The following AUTS2 variants were observed in gnomAD, a reference collection of about 807,000 sequenced individuals.
The protein encoded by AUTS2 is autism susceptibility gene 2 protein.
AUTS2 carries 17 observed loss-of-function variants against 112.4 expected under a neutral mutation model. The ratio of observed to expected loss-of-function variants is 0.15; its 90% confidence interval spans 0.10 to 0.23. The LOEUF is 0.23. Among genes scored for constraint, AUTS2 ranks in the 10% least tolerant of loss-of-function variants. The pLI, the probability that AUTS2 is intolerant of heterozygous loss-of-function variation, is 1.00. For synonymous variants in AUTS2, 751 were observed against 702.7 expected (o/e 1.07, Z -1.09); for missense variants, 1,510 against 1,701.6 (o/e 0.89, Z 1.98).
At chr7:70,681,562 G>A (rs192042739) in intron 5 of AUTS2, among the ~76,000 whole-genome samples, 1 of 151,346 alleles carries the variant, frequency 6.6e-6, no homozygotes, top group Non-Finnish European at 1.5e-5. Flanking sequence ...AGAGTAACTT[G>A]TTCCCCCAAG....
chr7:70,524,325 T>C lies in AUTS2; in HGVS notation c.690+88544T>C, dbSNP rs568901923. Reference sequence around the variant, plus strand: ...CCCACTTACAATGGTCATTATTCCATGTGAAGACTGTTTCCACCATATAGT... The same window carrying C: ...CCCACTTACAATGGTCATTATTCCACGTGAAGACTGTTTCCACCATATAGT... On this transcript the variant is annotated intron_variant, in intron 5 of 18. Coordinates refer to ENST00000342771, the MANE Select transcript of AUTS2 (RefSeq NM_015570.4). Among the ~76,000 whole-genome samples the C allele has an allele frequency of 5.3e-5, 8 of 152,344 alleles. No individual in the cohort carries two copies. In the South Asian group the frequency reaches 6.2e-4, roughly 12 times the overall value.
intron 5 of AUTS2, among the ~76,000 whole-genome samples, chr7:70,577,396 T>G (rs1442543029): frequency 6.6e-6 from 1 of 152,226 alleles, no homozygotes; most frequent in African/African-American, 2.4e-5. Context: ...CCAATAATTT[T>G]AAAAATCCTC....
chr7:70,567,577 GA>G, intron 5 of AUTS2, among the ~76,000 whole-genome samples: 1 of 152,188 alleles, frequency 6.6e-6, no homozygotes, highest in East Asian at 1.9e-4. Context: ...GATAGTGACA[GA>G]AAACCAGTGT....
chr7:70,274,928 A>G (rs1787859704), intron 4 of AUTS2, among the ~76,000 whole-genome samples: 3 of 152,362 alleles, frequency 2.0e-5, no homozygotes, highest in East Asian at 1.9e-4. Flanking sequence ...ACTTGGACAG[A>G]TACTTATATT....
intron 5 of AUTS2, among the ~76,000 whole-genome samples, chr7:70,556,049 G>A (rs1398906322): frequency 2.0e-5 from 3 of 152,040 alleles, no homozygotes; most frequent in African/African-American, 7.2e-5. Flanking sequence ...CTTGTAATCC[G>A]CCTGCCTTGG....
chr7:69,929,133 C>T (rs796335386), intron 2 of AUTS2, among the ~76,000 whole-genome samples: 5 of 152,156 alleles, frequency 3.3e-5, no homozygotes, highest in African/African-American at 1.2e-4. Flanking sequence ...AAATTTTTTT[C>T]TGGGAATATA....
intron 4 of AUTS2, among the ~76,000 whole-genome samples, chr7:70,244,907 G>A (rs1027096343): frequency 1.3e-5 from 2 of 151,892 alleles, no homozygotes; most frequent in Admixed American, 6.6e-5. Flanking sequence ...ATCACTTAAG[G>A]TGAGGAGTTT....
chr7:70,314,215 C>A (rs1014358978), intron 4 of AUTS2, among the ~76,000 whole-genome samples: 2 of 152,188 alleles, frequency 1.3e-5, no homozygotes, highest in Non-Finnish European at 2.9e-5. Context: ...AGTAAACAGG[C>A]ATACATTTAC....
chr7:69,800,283 A>AT (rs1234803342), intron 1 of AUTS2, among the ~76,000 whole-genome samples: 4 of 152,226 alleles, frequency 2.6e-5, no homozygotes, highest in African/African-American at 9.7e-5. Context: ...CTAGTTGAGA[A>AT]CATGTGATAA....
At chr7:69,950,764 C>G (rs1028932131) in intron 2 of AUTS2, among the ~76,000 whole-genome samples, 4 of 152,070 alleles carry the variant, frequency 2.6e-5, no homozygotes, top group African/African-American at 9.7e-5. Context: ...AGGAATGGAG[C>G]CATCCATGGA....
At chr7:69,600,711 A>G (rs1018683405) in intron 1 of AUTS2, among the ~76,000 whole-genome samples, 3 of 151,752 alleles carry the variant, frequency 2.0e-5, no homozygotes, top group Non-Finnish European at 4.4e-5. Context: ...ATACATAGGC[A>G]CATGTGTGTG....
chr7:70,491,588 ATTGTGTGTGT>A (rs1284794189), intron 5 of AUTS2, among the ~76,000 whole-genome samples: 3 of 106,776 alleles, frequency 2.8e-5, no homozygotes, highest in African/African-American at 4.2e-5. Flanking sequence ...ATGTATATAT[ATTGTGTGTGT>A]GTGTGTGTGT....
chr7:70,652,032 G>A (rs17141930), intron 5 of AUTS2, among the ~76,000 whole-genome samples: 27,952 of 152,108 alleles, frequency 0.18, 3,199 homozygotes, highest in East Asian at 0.36. Flanking sequence ...TGCACACGCC[G>A]TCACGGTTGC....
intron 5 of AUTS2, among the ~76,000 whole-genome samples, chr7:70,621,533 A>G (rs1804673438): frequency 6.6e-6 from 1 of 152,160 alleles, no homozygotes; most frequent in Admixed American, 6.5e-5. Context: ...CTCAAAAGTC[A>G]CAGACATTTT....
At chr7:70,163,947 A>G (rs1000181385) in intron 4 of AUTS2, among the ~76,000 whole-genome samples, 3 of 152,120 alleles carry the variant, frequency 2.0e-5, no homozygotes, top group Non-Finnish European at 4.4e-5. Flanking sequence ...AGAGCCTTCA[A>G]CCATAACAAA....
intron 1 of AUTS2, among the ~76,000 whole-genome samples, chr7:69,872,953 C>T (rs1397273625): frequency 6.8e-6 from 1 of 147,362 alleles, no homozygotes; most frequent in Non-Finnish European, 1.5e-5. Context: ...AGCGATTCTC[C>T]TGCCTCAGCC....
chr7:70,073,510 CAA>C (rs778228658), intron 2 of AUTS2, among the ~76,000 whole-genome samples: 27 of 65,194 alleles, frequency 4.1e-4, no homozygotes, highest in Admixed American at 7.0e-4. Context: ...GACCTCATCT[CAA>C]AAAAAAAAAA....
At chr7:70,314,519 CT>C (rs928653397) in intron 4 of AUTS2, among the ~76,000 whole-genome samples, 39 of 152,328 alleles carry the variant, frequency 2.6e-4, no homozygotes, top group Admixed American at 2.0e-3. Flanking sequence ...CCAGTTGCAT[CT>C]GATACAAATT....
intron 1 of AUTS2, among the ~76,000 whole-genome samples, chr7:69,753,486 G>C (rs920799277): frequency 3.3e-5 from 5 of 152,168 alleles, no homozygotes; most frequent in African/African-American, 1.2e-4. Context: ...GAGAATATGA[G>C]AATTGGTAGA....
Sources: gnomAD v4.1 joint callset for allele counts (sites outside exome capture counted in the v4.1 genomes callset) on GRCh38, gnomAD v4.1.1 for gene constraint, MANE v1.5 for transcripts, NCBI Gene and HGNC (gene_info 2026-07-23, HGNC 2026-07-21) for gene names.